The following LCOR variants were observed in gnomAD, a reference collection of about 807,000 sequenced individuals.
LCOR encodes the protein ligand-dependent corepressor.
A neutral mutation model predicts 64.4 loss-of-function variants in LCOR; 14 were observed. The observed-to-expected ratio is 0.22, with a 90% confidence interval of 0.14 to 0.34. The LOEUF is 0.34. LCOR is among the 10% of genes least tolerant of loss of function. The pLI is 1.00. For synonymous variants in LCOR, 643 were observed against 642.5 expected (o/e 1.00, Z -0.01); for missense variants, 1,686 against 1,765.3 (o/e 0.96, Z 0.80).
At chr10:96,861,422 A>G (rs1035054722) in intron 2 of LCOR, among the ~76,000 whole-genome samples, 2 of 152,196 alleles carry the variant, frequency 1.3e-5, no homozygotes, top group Non-Finnish European at 2.9e-5. Flanking sequence ...CTCACACCAT[A>G]TTACAATAAT....
At chr10:96,905,833 T>C (rs1846717760) in intron 2 of LCOR, among the ~76,000 whole-genome samples, 1 of 152,110 alleles carries the variant, frequency 6.6e-6, no homozygotes, top group Non-Finnish European at 1.5e-5. Flanking sequence ...CTAGGATATA[T>C]CATATAGTAT....
chr10:96,883,924 G>A (rs1265151374), intron 2 of LCOR, among the ~76,000 whole-genome samples: 3 of 152,136 alleles, frequency 2.0e-5, no homozygotes, highest in South Asian at 4.1e-4. Context: ...AAGAGTGGAA[G>A]TTTCTTAAAT....
At chr10:96,970,653 A>ATTTTAT (rs1208672189) in intron 7 of LCOR, among the ~76,000 whole-genome samples, 2 of 140,798 alleles carry the variant, frequency 1.4e-5, no homozygotes, top group African/African-American at 5.3e-5. Flanking sequence ...ATTTTATTTT[A>ATTTTAT]TTTATTTTAT....
chr10:96,847,995 G>T (rs935084019), intron 2 of LCOR, among the ~76,000 whole-genome samples: 2 of 152,132 alleles, frequency 1.3e-5, no homozygotes, highest in African/African-American at 2.4e-5. Context: ...TGGTTGAAAA[G>T]TGTTTGTATG....
At position 96,986,624 on chromosome 10, in the gene LCOR, G is replaced by A. The variant is rs769401669; in HGVS notation, c.*1490G>A. On this transcript the variant is annotated 3_prime_UTR_variant, in exon 8 of 8. Coordinates refer to ENST00000421806, the MANE Select transcript of LCOR (RefSeq NM_001346516.2). ...TTCCCAGGTGAAGCCTGAGACAGGCGCATTGGCTTCAACCTAGTGCCTGTG... is the reference window on the plus strand; with the variant it reads ...TTCCCAGGTGAAGCCTGAGACAGGCACATTGGCTTCAACCTAGTGCCTGTG... The A allele has an allele frequency of 2.6e-5, 4 of 152,206 alleles. No individual in the cohort carries two copies. Among genetic ancestry groups the A allele is most frequent in the Non-Finnish European group, 5.9e-5 (4 of 68,050 alleles). 9.4% of individuals were successfully genotyped at this position (152,206 alleles called of 1,614,324 possible). A position where few individuals can be genotyped will look rare whatever the true frequency, so the allele number is the denominator to read the frequency against.
At chr10:96,834,402 C>T (rs554901787) in intron 2 of LCOR, among the ~76,000 whole-genome samples, 10 of 152,256 alleles carry the variant, frequency 6.6e-5, no homozygotes, top group Admixed American at 2.6e-4. Flanking sequence ...AGCCTTTTGC[C>T]TATCAGTTAT....
rs144822039 is a variant in LCOR at position 96,852,013 on chromosome 10, T to G, written c.-330+18534T>G. Among the ~76,000 whole-genome samples, 3 of 152,368 alleles carry G rather than the reference T, an allele frequency of 2.0e-5. No individual in the cohort carries two copies. In the East Asian group the frequency reaches 5.8e-4, roughly 29 times the overall value. On this transcript the variant is annotated intron_variant, in intron 2 of 7. Coordinates refer to ENST00000421806, the MANE Select transcript of LCOR (RefSeq NM_001346516.2). Reference sequence around the variant, plus strand: ...CAGGAATGATGCTAATGCCACACAATCATACATTGTCCACATGGGTGGCTG... The same window carrying G: ...CAGGAATGATGCTAATGCCACACAAGCATACATTGTCCACATGGGTGGCTG...
At chr10:96,862,869 C>G (rs924759257) in intron 2 of LCOR, among the ~76,000 whole-genome samples, 1 of 151,096 alleles carries the variant, frequency 6.6e-6, no homozygotes, top group African/African-American at 2.4e-5. Flanking sequence ...AATATGTTTT[C>G]TTTCTTTTCT....
intron 7 of LCOR, among the ~76,000 whole-genome samples, chr10:96,969,538 T>C (rs1320385274): frequency 1.8e-4 from 27 of 152,222 alleles, no homozygotes; most frequent in Non-Finnish European, 1.5e-5. Context: ...TTTTACATGC[T>C]TTGTAGACTT....
At chr10:96,928,660 T>C (rs1183324885) in intron 4 of LCOR, among the ~76,000 whole-genome samples, 1 of 152,226 alleles carries the variant, frequency 6.6e-6, no homozygotes, top group Non-Finnish European at 1.5e-5. Context: ...GAATCACGAA[T>C]GTTCTTAATG....
intron 1 of LCOR, chr10:96,832,898 C>T (rs1007156155): frequency 1.4e-5 from 11 of 777,426 alleles, no homozygotes; most frequent in Non-Finnish European, 1.4e-5. Flanking sequence ...CGGGGCGCGC[C>T]CCCGGGTCTG....
At chr10:96,862,370 G>C (rs1228534597) in intron 2 of LCOR, among the ~76,000 whole-genome samples, 3 of 152,014 alleles carry the variant, frequency 2.0e-5, no homozygotes, top group Non-Finnish European at 1.5e-5. Flanking sequence ...ATCTGAAGCA[G>C]TCCTCCCACC....
intron 2 of LCOR, among the ~76,000 whole-genome samples, chr10:96,882,293 G>A (rs983957474): frequency 1.3e-5 from 2 of 152,168 alleles, no homozygotes; most frequent in Non-Finnish European, 2.9e-5. Context: ...TATTTTGGTT[G>A]AAGTATGTCA....
intron 2 of LCOR, among the ~76,000 whole-genome samples, chr10:96,854,923 AC>A (rs1318053456): frequency 1.3e-5 from 2 of 152,140 alleles, no homozygotes; most frequent in Non-Finnish European, 2.9e-5. Flanking sequence ...GTTTTATCAT[AC>A]CTTTCCTACT....
intron 2 of LCOR, among the ~76,000 whole-genome samples, chr10:96,865,664 C>T: frequency 6.6e-6 from 1 of 152,024 alleles, no homozygotes; most frequent in Non-Finnish European, 1.5e-5. Flanking sequence ...CACCTGAGGT[C>T]AGGAGTTCGA....
intron 2 of LCOR, among the ~76,000 whole-genome samples, chr10:96,886,867 A>G (rs1284432145): frequency 6.6e-6 from 1 of 152,106 alleles, no homozygotes; most frequent in Non-Finnish European, 1.5e-5. Flanking sequence ...ATAACTTTAT[A>G]CTCTTTTACT....
At chr10:96,940,281 A>T (rs868713471) in intron 4 of LCOR, among the ~76,000 whole-genome samples, 14 of 150,682 alleles carry the variant, frequency 9.3e-5, no homozygotes, top group Non-Finnish European at 1.5e-4. Context: ...TGGCAAATAC[A>T]ACTATAATAA....
intron 2 of LCOR, among the ~76,000 whole-genome samples, chr10:96,842,971 G>A (rs1302266925): frequency 6.6e-6 from 1 of 152,178 alleles, no homozygotes; most frequent in East Asian, 1.9e-4. Context: ...TACATTGTAT[G>A]TAGAGGAAGC....
chr10:96,922,512 T>A (rs910258318), intron 4 of LCOR, among the ~76,000 whole-genome samples: 3 of 152,228 alleles, frequency 2.0e-5, no homozygotes, highest in African/African-American at 7.2e-5. Context: ...AGTTGGATAT[T>A]CTTGCATTTG....
Sources: gnomAD v4.1 joint callset for allele counts (sites outside exome capture counted in the v4.1 genomes callset) on GRCh38, gnomAD v4.1.1 for gene constraint, MANE v1.5 for transcripts, NCBI Gene and HGNC (gene_info 2026-07-23, HGNC 2026-07-21) for gene names.